AGBL4: variants seen among roughly 807,000 people sequenced by gnomAD.
AGBL4 encodes the protein cytosolic carboxypeptidase 6.
Under a neutral mutation model 66.4 loss-of-function variants are expected in AGBL4, and 58 were observed. That is an observed-to-expected ratio of 0.87 (90% CI 0.71 to 1.09). AGBL4 has a LOEUF of 1.09. Ranked by LOEUF, AGBL4 falls within the 50% of genes least tolerant of loss-of-function variation. The pLI is 0.00. For missense variants in AGBL4, 579 were observed against 631.0 expected (o/e 0.92, Z 0.88); for synonymous variants, 234 against 222.9 (o/e 1.05, Z -0.44).
chr1:48,870,050 T>TCTTCCTGAAGATTTCAAC (rs553291287), intron 5 of AGBL4, among the ~76,000 whole-genome samples: 2 of 152,048 alleles, frequency 1.3e-5, no homozygotes, highest in African/African-American at 4.8e-5. Context: ...CCTCTTGAAA[T>TCTTCCTGAAGATTTCAAC]CTTCCTGAAG....
intron 3 of AGBL4, among the ~76,000 whole-genome samples, chr1:49,454,590 G>C (rs1646349308): frequency 6.6e-6 from 1 of 151,702 alleles, no homozygotes; most frequent in Non-Finnish European, 1.5e-5. Context: ...GAGTTTTCTT[G>C]AGTCCTTCAA....
At chr1:49,121,636 C>T (rs910524839) in intron 4 of AGBL4, among the ~76,000 whole-genome samples, 17 of 152,150 alleles carry the variant, frequency 1.1e-4, no homozygotes, top group African/African-American at 2.2e-4. Context: ...TACTGGGAGG[C>T]GTCTCCCAGT....
chr1:49,260,370 C>G (rs1432878877), intron 3 of AGBL4, among the ~76,000 whole-genome samples: 2 of 151,184 alleles, frequency 1.3e-5, no homozygotes, highest in African/African-American at 4.9e-5. Context: ...AATCCAGGAG[C>G]TGGTTTTTTG....
intron 7 of AGBL4, 84 bp from the exon 8 acceptor site, chr1:48,653,535 G>A (rs915081782): frequency 1.9e-6 from 2 of 1,041,224 alleles, no homozygotes; most frequent in Non-Finnish European, 2.9e-6. Context: ...AAAACAAGAA[G>A]AGCTCAATAG....
chr1:48,816,045 TTGTGTGTGTGTG>T (rs59041939), intron 6 of AGBL4, among the ~76,000 whole-genome samples: 2,359 of 144,352 alleles, frequency 0.016, 33 homozygotes, highest in African/African-American at 0.039. Context: ...AGGAACTGTT[TTGTGTGTGTGTG>T]TGTGTGTGTG....
chr1:49,802,939 A>G (rs1391205081), intron 2 of AGBL4, among the ~76,000 whole-genome samples: 2 of 152,168 alleles, frequency 1.3e-5, no homozygotes, highest in Non-Finnish European at 2.9e-5. Context: ...TAAACTTTTC[A>G]TTTGTAACTG....
At chr1:49,952,118 C>G (rs1234274876) in intron 1 of AGBL4, among the ~76,000 whole-genome samples, 1 of 151,580 alleles carries the variant, frequency 6.6e-6, no homozygotes, top group Admixed American at 6.6e-5. Flanking sequence ...ATATTTAATG[C>G]CACTGAATTT....
chr1:49,012,106 G>C (rs528566415), intron 5 of AGBL4, among the ~76,000 whole-genome samples: 11 of 151,892 alleles, frequency 7.2e-5, no homozygotes, highest in Admixed American at 2.0e-4. Context: ...GAGGGCTACT[G>C]TACAATGGTG....
chr1:49,669,319 T>TA (rs925921629), intron 3 of AGBL4, among the ~76,000 whole-genome samples: 1 of 152,078 alleles, frequency 6.6e-6, no homozygotes, highest in Non-Finnish European at 1.5e-5. Context: ...AAGGATCCTG[T>TA]ATGTTATTTT....
rs962866743 is a variant in AGBL4 at position 48,533,486 on chromosome 1, T to A, written c.*687A>T. 2 of 152,674 alleles carry A rather than the reference T, an allele frequency of 1.3e-5. No homozygotes were observed. The highest frequency in any genetic ancestry group is 2.9e-5 in the Non-Finnish European group (2 of 68,454). The allele number at this position is 152,674 out of a possible 1,614,324, so 9.5% of individuals were successfully genotyped here. ...GAGACCTTAACCATAATAAACCTTT[T>A]AAAATGAGTGACCAGTGCTTTTTGT... is the stretch of plus-strand genomic sequence containing the variant. On this transcript the variant is annotated 3_prime_UTR_variant, in exon 14 of 14. Coordinates refer to ENST00000371839, the MANE Select transcript of AGBL4 (RefSeq NM_032785.4).
chr1:49,742,690 G>A (rs373992892), intron 2 of AGBL4, among the ~76,000 whole-genome samples: 1 of 152,114 alleles, frequency 6.6e-6, no homozygotes, highest in Non-Finnish European at 1.5e-5. Flanking sequence ...CATGGTACTG[G>A]TACCAAAACA....
At chr1:49,902,984 T>A (rs1024066526) in intron 1 of AGBL4, among the ~76,000 whole-genome samples, 27 of 152,114 alleles carry the variant, frequency 1.8e-4, no homozygotes, top group Non-Finnish European at 2.9e-5. Context: ...TTCAACCCAG[T>A]AATCCCATTA....
chr1:48,879,479 A>G (rs1418444690), intron 5 of AGBL4, among the ~76,000 whole-genome samples: 2 of 152,226 alleles, frequency 1.3e-5, no homozygotes, highest in Admixed American at 6.5e-5. Context: ...ATAGACAAGA[A>G]TTAGAAAAGT....
chr1:49,539,296 T>C (rs1651831503), intron 3 of AGBL4, among the ~76,000 whole-genome samples: 1 of 152,238 alleles, frequency 6.6e-6, no homozygotes. Flanking sequence ...TTGCTTGTTT[T>C]TACTTATCTG....
intron 3 of AGBL4, among the ~76,000 whole-genome samples, chr1:49,452,298 A>G (rs935773977): frequency 6.6e-6 from 1 of 151,904 alleles, no homozygotes; most frequent in African/African-American, 2.4e-5. Context: ...CCCTACTCCA[A>G]TCCATACTTC....
intron 1 of AGBL4, among the ~76,000 whole-genome samples, chr1:49,867,010 T>C (rs1308842109): frequency 2.6e-5 from 4 of 152,114 alleles, no homozygotes; most frequent in African/African-American, 9.7e-5. Context: ...TTTAATGTTG[T>C]TTCCTTCTAG....
chr1:49,834,706 T>C (rs1645799201), intron 2 of AGBL4, among the ~76,000 whole-genome samples: 1 of 152,206 alleles, frequency 6.6e-6, no homozygotes, highest in African/African-American at 2.4e-5. Flanking sequence ...TCTGTGGGCA[T>C]TTAGTGGTAT....
At chr1:49,647,047 C>A (rs547576569) in intron 3 of AGBL4, among the ~76,000 whole-genome samples, 1 of 151,260 alleles carries the variant, frequency 6.6e-6, no homozygotes, top group African/African-American at 2.4e-5. Flanking sequence ...AGAACATATA[C>A]CTAAATGTAA....
chr1:49,971,107 C>G (rs952966406), intron 1 of AGBL4, among the ~76,000 whole-genome samples: 1 of 152,174 alleles, frequency 6.6e-6, no homozygotes, highest in African/African-American at 2.4e-5. Context: ...TCCCCTTTAT[C>G]TGTGGTTTTA....
Sources: allele counts gnomAD v4.1 joint callset (sites outside exome capture counted in the v4.1 genomes callset), GRCh38; gene constraint gnomAD v4.1.1; transcripts MANE v1.5; gene names NCBI Gene and HGNC (gene_info 2026-07-23, HGNC 2026-07-21).